The following ENTREP2 variants were observed in gnomAD, a reference collection of about 807,000 sequenced individuals.
ENTREP2 encodes protein ENTREP2.
chr15:29,428,618 G>A, the ENTREP2 span, among the ~76,000 whole-genome samples: 1 of 151,242 alleles, frequency 6.6e-6, no homozygotes, highest in African/African-American at 2.4e-5. Flanking sequence ...TTAGGAAACA[G>A]AACTTAAAAG....
chr15:29,322,541 G>A, the ENTREP2 span, among the ~76,000 whole-genome samples: 1 of 152,212 alleles, frequency 6.6e-6, no homozygotes, highest in South Asian at 2.1e-4. Context: ...GAAAAATTAA[G>A]TTGGAAGCTG....
At chr15:29,659,743 G>C in the ENTREP2 span, among the ~76,000 whole-genome samples, 1 of 152,022 alleles carries the variant, frequency 6.6e-6, no homozygotes, top group African/African-American at 2.4e-5. Context: ...TACAGCATGT[G>C]TAAGTAGCTG....
chr15:29,131,271 G>C, the ENTREP2 span, among the ~76,000 whole-genome samples: 1 of 151,990 alleles, frequency 6.6e-6, no homozygotes, highest in Admixed American at 6.5e-5. Context: ...TTTGCTAACA[G>C]ATTTTATGTG....
At chr15:29,564,915 G>A in the ENTREP2 span, among the ~76,000 whole-genome samples, 1 of 152,064 alleles carries the variant, frequency 6.6e-6, no homozygotes. Flanking sequence ...GAAGAGTTCA[G>A]GGGAGACTGA....
At chr15:29,454,385 T>G in the ENTREP2 span, among the ~76,000 whole-genome samples, 1 of 152,332 alleles carries the variant, frequency 6.6e-6, no homozygotes, top group South Asian at 2.1e-4. Flanking sequence ...TGATGCTGTT[T>G]GACACACACA....
chr15:29,222,331 C>T, the ENTREP2 span, among the ~76,000 whole-genome samples: 2 of 152,146 alleles, frequency 1.3e-5, no homozygotes, highest in Non-Finnish European at 2.9e-5. Context: ...ATAATCCTCC[C>T]CTTGTTTAGC....
At chr15:29,291,025 T>G in the ENTREP2 span, among the ~76,000 whole-genome samples, 1 of 152,180 alleles carries the variant, frequency 6.6e-6, no homozygotes, top group Non-Finnish European at 1.5e-5. Context: ...TGAATGGACA[T>G]GTGAGTAGAA....
chr15:29,446,119 A>G, the ENTREP2 span, among the ~76,000 whole-genome samples: 10 of 152,244 alleles, frequency 6.6e-5, no homozygotes, highest in Admixed American at 5.2e-4. Flanking sequence ...CACAGCAAGA[A>G]GGCATGATGC....
At chr15:29,556,938 T>TG in the ENTREP2 span, among the ~76,000 whole-genome samples, 2 of 151,970 alleles carry the variant, frequency 1.3e-5, no homozygotes, top group African/African-American at 4.8e-5. Context: ...GCCAAAGGGG[T>TG]GGATATTCCG....
chr15:29,253,072 C>T, the ENTREP2 span, among the ~76,000 whole-genome samples: 1 of 152,142 alleles, frequency 6.6e-6, no homozygotes, highest in East Asian at 1.9e-4. Context: ...TTTCTGAAAA[C>T]ATAGCCAAAA....
chr15:29,268,378 T>C, the ENTREP2 span: 1 of 160,834 alleles, frequency 6.2e-6, no homozygotes, highest in African/African-American at 2.7e-5. Context: ...AGGCAATTAT[T>C]TTTTTTAATT....
the ENTREP2 span, among the ~76,000 whole-genome samples, chr15:29,181,520 G>A: frequency 1.3e-5 from 2 of 151,964 alleles, no homozygotes; most frequent in Non-Finnish European, 2.9e-5. Flanking sequence ...TTTAATAAAA[G>A]AAAAGCAAAG....
chr15:29,159,445 C>A, the ENTREP2 span, among the ~76,000 whole-genome samples: 12 of 152,126 alleles, frequency 7.9e-5, no homozygotes, highest in Non-Finnish European at 1.8e-4. Flanking sequence ...AGGACAGGGC[C>A]GGGTTGCTAC....
chr15:29,233,827 T>C, the ENTREP2 span: 38 of 1,579,368 alleles, frequency 2.4e-5, no homozygotes, highest in Middle Eastern at 8.3e-4. Flanking sequence ...CTGGCGAAGA[T>C]TAAAAAGGAG....
the ENTREP2 span, among the ~76,000 whole-genome samples, chr15:29,158,582 T>C: frequency 6.6e-6 from 1 of 152,156 alleles, no homozygotes; most frequent in Admixed American, 6.5e-5. Context: ...TTTTGATGTA[T>C]ATTTTTTTAA....
chr15:29,654,664 T>C, the ENTREP2 span, among the ~76,000 whole-genome samples: 3 of 152,230 alleles, frequency 2.0e-5, no homozygotes, highest in African/African-American at 7.2e-5. Flanking sequence ...TCTTGCAGTA[T>C]ACAAAATTCC....
At chr15:29,295,432 C>G in the ENTREP2 span, among the ~76,000 whole-genome samples, 1 of 152,208 alleles carries the variant, frequency 6.6e-6, no homozygotes, top group African/African-American at 2.4e-5. Context: ...GATGTAGAAT[C>G]AGACATAAAA....
the ENTREP2 span, among the ~76,000 whole-genome samples, chr15:29,615,274 G>T: frequency 6.6e-6 from 1 of 151,772 alleles, no homozygotes; most frequent in Non-Finnish European, 1.5e-5. Context: ...TGCTGCCTCA[G>T]CTTCCTGAGT....
chr15:29,595,067 C>CAAAAAAAAA, the ENTREP2 span, among the ~76,000 whole-genome samples: 80 of 86,576 alleles, frequency 9.2e-4, no homozygotes, highest in Non-Finnish European at 1.3e-3. Context: ...GACTCCGTCT[C>CAAAAAAAAA]AAAAAAAAAA....
Sources: allele counts gnomAD v4.1 joint callset (sites outside exome capture counted in the v4.1 genomes callset), GRCh38; gene constraint gnomAD v4.1.1; transcripts MANE v1.5; gene names NCBI Gene and HGNC (gene_info 2026-07-23, HGNC 2026-07-21).